The following SUGCT variants were observed in gnomAD, a reference collection of about 807,000 sequenced individuals.
SUGCT encodes the protein succinyl-CoA:glutarate CoA-transferase.
A neutral mutation model predicts 55.0 loss-of-function variants in SUGCT; 41 were observed. The ratio of observed to expected loss-of-function variants is 0.74; its 90% confidence interval spans 0.58 to 0.97. The LOEUF (loss-of-function observed/expected upper bound fraction) is 0.97. Among genes scored for constraint, SUGCT ranks in the 50% least tolerant of loss-of-function variants. The pLI is 0.00. For synonymous variants in SUGCT, 187 were observed against 200.4 expected (o/e 0.93, Z 0.56); for missense variants, 568 against 547.8 (o/e 1.04, Z -0.37).
chr7:40,675,644 A>G (rs1783935454), intron 12 of SUGCT, among the ~76,000 whole-genome samples: 1 of 152,180 alleles, frequency 6.6e-6, no homozygotes, highest in Non-Finnish European at 1.5e-5. Context: ...GAGTTGGGCA[A>G]AAAGAGTCAG....
chr7:40,311,982 T>C (rs1286709535), intron 8 of SUGCT, among the ~76,000 whole-genome samples: 1 of 152,036 alleles, frequency 6.6e-6, no homozygotes, highest in East Asian at 1.9e-4. Context: ...AATAATATTG[T>C]AGCATGGAGG....
chr7:40,150,974 C>T (rs1486810031), intron 1 of SUGCT, among the ~76,000 whole-genome samples: 2 of 152,090 alleles, frequency 1.3e-5, no homozygotes, highest in African/African-American at 4.8e-5. Context: ...CTGTGGTTTA[C>T]GACTGTAATC....
intron 6 of SUGCT, among the ~76,000 whole-genome samples, chr7:40,234,197 T>C (rs1216438656): frequency 6.6e-6 from 1 of 152,238 alleles, no homozygotes; most frequent in Non-Finnish European, 1.5e-5. Flanking sequence ...CACCTGATTT[T>C]CCGAACCTAG....
At chr7:40,226,510 C>A (rs1375488550) in intron 6 of SUGCT, among the ~76,000 whole-genome samples, 4 of 151,940 alleles carry the variant, frequency 2.6e-5, no homozygotes, top group Non-Finnish European at 5.9e-5. Flanking sequence ...AGAGAACTGG[C>A]TCTTGGTTTT....
At chr7:40,289,397 A>T (rs1793580138) in intron 8 of SUGCT, among the ~76,000 whole-genome samples, 1 of 152,160 alleles carries the variant, frequency 6.6e-6, no homozygotes, top group African/African-American at 2.4e-5. Context: ...GTTGAACAAT[A>T]TGGTAAAATA....
the SUGCT span, among the ~76,000 whole-genome samples, chr7:40,969,766 A>G: frequency 5.7e-4 from 87 of 152,200 alleles, no homozygotes; most frequent in Middle Eastern, 3.4e-3. Context: ...TGTTTTCTAC[A>G]TCTGTTTTGG....
At chr7:40,765,466 GA>G (rs202039053) in intron 13 of SUGCT, among the ~76,000 whole-genome samples, 27 of 137,364 alleles carry the variant, frequency 2.0e-4, no homozygotes, top group South Asian at 6.8e-4. Flanking sequence ...TGCCATTAAA[GA>G]AAAAAAAAAA....
chr7:40,599,795 CTTACT>C (rs1798200802), intron 12 of SUGCT, among the ~76,000 whole-genome samples: 1 of 152,140 alleles, frequency 6.6e-6, no homozygotes, highest in African/African-American at 2.4e-5. Context: ...TCTAGCTCCC[CTTACT>C]GGAGTCCAAA....
chr7:40,638,590 G>A (rs187847787), intron 12 of SUGCT, among the ~76,000 whole-genome samples: 12 of 152,326 alleles, frequency 7.9e-5, no homozygotes, highest in African/African-American at 2.9e-4. Flanking sequence ...TGCTTAGTAT[G>A]AGGAGAAGAC....
rs554688390 is a variant in SUGCT at position 40,225,476 on chromosome 7, G to A, written c.485-12159G>A. Among the ~76,000 whole-genome samples the A allele has an allele frequency of 1.2e-4, 17 of 146,734 alleles. 1 individual carries two copies. Among genetic ancestry groups the A allele is most frequent in the East Asian group, 5.9e-4 (3 of 5,062 alleles). ...TTGAGGTGGGGAGTCTTACTCTGTCGCCCAGGCTGTAGTACAGTGGCATGA... is the reference window on the plus strand; with the variant it reads ...TTGAGGTGGGGAGTCTTACTCTGTCACCCAGGCTGTAGTACAGTGGCATGA... On this transcript the variant is annotated intron_variant, in intron 6 of 13. Coordinates refer to ENST00000335693, the MANE Select transcript of SUGCT (RefSeq NM_001193313.2).
At chr7:40,967,767 C>A in the SUGCT span, among the ~76,000 whole-genome samples, 4 of 151,694 alleles carry the variant, frequency 2.6e-5, no homozygotes, top group African/African-American at 9.7e-5. Flanking sequence ...AATAGAGGTG[C>A]CCGCCACCAC....
At chr7:40,820,778 C>CA (rs1791947725) in intron 13 of SUGCT, among the ~76,000 whole-genome samples, 1 of 151,844 alleles carries the variant, frequency 6.6e-6, no homozygotes, top group Non-Finnish European at 1.5e-5. Context: ...GCCTGACACC[C>CA]GGCCAGAACT....
At position 40,273,187 on chromosome 7, in the gene SUGCT, A is replaced by T. The variant is rs1472781657; in HGVS notation, c.577-1326A>T. ...AAACTGCCAGACATTTCCAAGTTTC[A>T]TGGCAATATCGTCCTTGAAATTGTA... On this transcript the variant is annotated intron_variant, in intron 7 of 13. Transcript: ENST00000335693. Among the ~76,000 whole-genome samples, 3 of 152,218 alleles carry T rather than the reference A, an allele frequency of 2.0e-5. No individual in the cohort carries two copies. The East Asian group carries it at 5.8e-4, about 29-fold the overall frequency.
At chr7:40,439,076 A>G (rs372732124) in intron 9 of SUGCT, among the ~76,000 whole-genome samples, 25,623 of 84,016 alleles carry the variant, frequency 0.3, 6,065 homozygotes, top group Non-Finnish European at 0.37. Context: ...ATATATATAT[A>G]TATATATATA....
chr7:40,317,054 G>T (rs1294207973), intron 9 of SUGCT, among the ~76,000 whole-genome samples, 199 bp downstream of exon 9: 1 of 143,520 alleles, frequency 7.0e-6, no homozygotes, highest in African/African-American at 2.5e-5. Flanking sequence ...ATCAGAAAGA[G>T]ATTAGTAACA....
intron 1 of SUGCT, among the ~76,000 whole-genome samples, chr7:40,173,649 G>A (rs1268811892): frequency 1.3e-5 from 2 of 152,022 alleles, no homozygotes; most frequent in Non-Finnish European, 2.9e-5. Context: ...CTACCTGATT[G>A]GTTGGATGTG....
chr7:40,145,793 T>C (rs1788214144), intron 1 of SUGCT, among the ~76,000 whole-genome samples: 1 of 152,220 alleles, frequency 6.6e-6, no homozygotes, highest in African/African-American at 2.4e-5. Context: ...TACAAACAGC[T>C]GGCACGTTTG....
the SUGCT span, among the ~76,000 whole-genome samples, chr7:41,012,065 A>C: frequency 6.6e-6 from 1 of 152,162 alleles, no homozygotes; most frequent in Non-Finnish European, 1.5e-5. Flanking sequence ...AAATGGAGAC[A>C]GTTTGAACTG....
intron 12 of SUGCT, among the ~76,000 whole-genome samples, chr7:40,509,990 A>G (rs2051919): frequency 0.28 from 42,175 of 152,016 alleles, 8,352 homozygotes; most frequent in African/African-American, 0.56. Context: ...TGCTTGAAGA[A>G]AATCCTGACA....
Sources: gnomAD v4.1 joint callset for allele counts (sites outside exome capture counted in the v4.1 genomes callset) on GRCh38, gnomAD v4.1.1 for gene constraint, MANE v1.5 for transcripts, NCBI Gene and HGNC (gene_info 2026-07-23, HGNC 2026-07-21) for gene names.